Variants in CACNB2 observed in about 807,000 individuals in gnomAD.
CACNB2 encodes the protein voltage-dependent L-type calcium channel subunit beta-2.
In CACNB2, 42 loss-of-function variants were observed where a neutral mutation model predicts 73.3. The ratio of observed to expected loss-of-function variants is 0.57; its 90% confidence interval spans 0.45 to 0.74. CACNB2 has a LOEUF of 0.74. Among genes scored for constraint, CACNB2 ranks in the 30% least tolerant of loss-of-function variants. The pLI, the probability that CACNB2 is intolerant of heterozygous loss-of-function variation, is 0.00. For missense variants in CACNB2, 940 were observed against 853.0 expected, an observed-to-expected ratio of 1.10 and a Z score of -1.27; for synonymous variants, 348 against 310.3, an observed-to-expected ratio of 1.12 and a Z score of -1.28.
In CACNB2 at chr10:18,268,365, G is replaced by C. The variant is rs189710201; in HGVS notation, c.213+117390G>C. On this transcript the variant is annotated intron_variant, in intron 2 of 13. Coordinates refer to ENST00000324631, the MANE Select transcript of CACNB2 (RefSeq NM_201596.3). ...GTTTCCGGAACATTAAAATGTGTTT[G>C]ACATAACAGGATTATCTGACAATAG... 1.6e-4 allele frequency among the ~76,000 whole-genome samples: 24 copies of C among 152,226 alleles called. No individual in the cohort carries two copies. In the East Asian group the frequency reaches 4.2e-3, roughly 27 times the overall value.
chr10:18,144,023 A>G (rs1462044540), intron 1 of CACNB2, among the ~76,000 whole-genome samples: 5 of 152,132 alleles, frequency 3.3e-5, no homozygotes, highest in Admixed American at 1.3e-4. Context: ...ATTGCCATAA[A>G]CAAAATGATA....
At chr10:18,521,524 C>T (rs890708106) in intron 9 of CACNB2, among the ~76,000 whole-genome samples, 5 of 152,182 alleles carry the variant, frequency 3.3e-5, no homozygotes, top group African/African-American at 1.2e-4. Flanking sequence ...TCCTCCTCTT[C>T]CCCCGGTCAC....
intron 3 of CACNB2, among the ~76,000 whole-genome samples, chr10:18,426,893 T>C (rs1255559974): frequency 6.6e-6 from 1 of 152,098 alleles, no homozygotes; most frequent in Non-Finnish European, 1.5e-5. Flanking sequence ...ATTTCTAGTT[T>C]GCTGTTTTTT....
intron 2 of CACNB2, among the ~76,000 whole-genome samples, chr10:18,396,262 T>G (rs1221357230): frequency 6.6e-6 from 1 of 152,130 alleles, no homozygotes; most frequent in East Asian, 1.9e-4. Context: ...GCCCATAGTT[T>G]ATGATTTTAT....
chr10:18,482,102 C>T (rs2048812210), intron 3 of CACNB2, among the ~76,000 whole-genome samples: 2 of 152,036 alleles, frequency 1.3e-5, no homozygotes, highest in South Asian at 4.1e-4. Context: ...CCATGTTGTC[C>T]AGGCTGGTCT....
intron 7 of CACNB2, among the ~76,000 whole-genome samples, chr10:18,517,314 T>C (rs1219961602): frequency 6.6e-6 from 1 of 152,234 alleles, no homozygotes; most frequent in Non-Finnish European, 1.5e-5. Context: ...TTTGGGTCAA[T>C]TTAGCATTTT....
At chr10:18,354,575 G>A (rs1024119155) in intron 2 of CACNB2, among the ~76,000 whole-genome samples, 1 of 152,128 alleles carries the variant, frequency 6.6e-6, no homozygotes, top group Non-Finnish European at 1.5e-5. Context: ...GAAAGCTAGG[G>A]TTATTTTGTG....
chr10:18,355,497 A>G (rs1035472154), intron 2 of CACNB2, among the ~76,000 whole-genome samples: 2 of 152,164 alleles, frequency 1.3e-5, no homozygotes, highest in Non-Finnish European at 2.9e-5. Flanking sequence ...CGACACTTGA[A>G]TAAATGTGGC....
chr10:18,140,795 A>G lies in CACNB2; in HGVS notation c.59A>G (p.Glu20Gly). 6.2e-7 allele frequency: 1 copy of G among 1,602,884 alleles called. No individual in the cohort carries two copies. Among genetic ancestry groups the G allele is most frequent in the Non-Finnish European group, 8.5e-7 (1 of 1,176,300 alleles). The change falls in exon 1 of 14, where the codon GAG becomes GGG. Residue 20 changes from glutamate (E) to glycine (G), a missense_variant. Glu to Gly is a moderately conservative substitution (Grantham distance 98). Transcript: ENST00000324631. The stretch of plus-strand genomic sequence containing the variant: ...ACAGCGGCGGCGGCGGTGGCGCAGG[A>G]GATCCAGATGGAACTGCTAGAGAAC... ...PPTAAAAVAQ[E>G]IQMELLENVA... is the part of the protein sequence containing the mutation.
chr10:18,498,974 G>A (rs557656983), intron 4 of CACNB2, among the ~76,000 whole-genome samples: 11 of 152,032 alleles, frequency 7.2e-5, no homozygotes, highest in Admixed American at 3.3e-4. Context: ...ACACCAATAA[G>A]GCAACAAAGA....
chr10:18,538,151 A>G, intron 12 of CACNB2, 29 bp from the exon 13 acceptor site: 1 of 1,612,922 alleles, frequency 6.2e-7, no homozygotes, highest in East Asian at 2.2e-5. Context: ...GGCTGGCATC[A>G]ATGTGGTCTG....
chr10:18,251,335 C>G (rs1184157291), intron 2 of CACNB2, among the ~76,000 whole-genome samples: 1 of 152,004 alleles, frequency 6.6e-6, no homozygotes, highest in Non-Finnish European at 1.5e-5. Flanking sequence ...ACCTCCACCT[C>G]CTGGGTTCAA....
At chr10:18,301,238 G>A (rs781481275) in intron 2 of CACNB2, among the ~76,000 whole-genome samples, 5 of 152,140 alleles carry the variant, frequency 3.3e-5, no homozygotes, top group African/African-American at 4.8e-5. Context: ...GGGGAGTGAC[G>A]TGAGCTGACT....
chr10:18,298,308 TG>T (rs2039361830), intron 2 of CACNB2, among the ~76,000 whole-genome samples: 1 of 151,128 alleles, frequency 6.6e-6, no homozygotes, highest in Non-Finnish European at 1.5e-5. Flanking sequence ...GGGCGGAGGT[TG>T]CAGTGAGCCG....
intron 3 of CACNB2, among the ~76,000 whole-genome samples, chr10:18,470,504 CTA>C (rs1292671985): frequency 6.6e-6 from 1 of 150,684 alleles, no homozygotes; most frequent in African/African-American, 2.4e-5. Context: ...ACTGGATAGA[CTA>C]TGATATACTG....
chr10:18,444,816 G>C (rs953752707), intron 3 of CACNB2, among the ~76,000 whole-genome samples: 9 of 152,170 alleles, frequency 5.9e-5, no homozygotes, highest in African/African-American at 2.2e-4. Flanking sequence ...GTAACACACT[G>C]GTTTGAGTAT....
chr10:18,413,663 C>A (rs2044765054), intron 3 of CACNB2, among the ~76,000 whole-genome samples: 1 of 152,238 alleles, frequency 6.6e-6, no homozygotes. Flanking sequence ...GTCATGCATT[C>A]TCTATGCAAC....
intron 3 of CACNB2, among the ~76,000 whole-genome samples, chr10:18,479,818 T>A (rs998360168): frequency 2.0e-5 from 3 of 152,214 alleles, no homozygotes; most frequent in African/African-American, 7.2e-5. Context: ...AGGAACTGAA[T>A]CAACTAAACC....
Position 18,214,626 on chromosome 10 carries a change from CAAAAAAAAAA to C in CACNB2, c.213+63671_213+63680del, listed in dbSNP as rs751930257. Among the ~76,000 whole-genome samples, 26 of 15,104 alleles carry C rather than the reference CAAAAAAAAAA, an allele frequency of 1.7e-3. 7 individuals carry two copies. The highest frequency in any genetic ancestry group is 4.7e-3 in the East Asian group (4 of 852). The allele number at this position is 15,104 out of a possible 152,430, so 9.9% of individuals were successfully genotyped here. The stretch of plus-strand genomic sequence containing the variant: ...TGGGCAATGGAGTGAGACTCCATCT[CAAAAAAAAAA>C]AAAAAAAAAAAAAAAAAAATTAACA... On this transcript the variant is annotated intron_variant, in intron 2 of 13. Coordinates refer to ENST00000324631, the MANE Select transcript of CACNB2 (RefSeq NM_201596.3).
Sources: allele counts gnomAD v4.1 joint callset (sites outside exome capture counted in the v4.1 genomes callset), GRCh38; gene constraint gnomAD v4.1.1; transcripts MANE v1.5; gene names NCBI Gene and HGNC (gene_info 2026-07-23, HGNC 2026-07-21).